Variants in SH3BGRL observed in about 807,000 individuals in gnomAD.
The protein encoded by SH3BGRL is adapter SH3BGRL.
A neutral mutation model predicts 9.8 loss-of-function variants in SH3BGRL; 7 were observed. The ratio of observed to expected loss-of-function variants is 0.72; its 90% CI spans 0.41 to 1.35. The LOEUF (loss-of-function observed/expected upper bound fraction) is 1.35. Among genes scored for constraint, SH3BGRL ranks in the 40% most tolerant of loss-of-function variants. SH3BGRL has a pLI of 0.01. For synonymous variants in SH3BGRL, 36 were observed against 29.1 expected (o/e 1.24, Z -0.76); for missense variants, 73 against 84.4 (o/e 0.86, Z 0.53).
At chrX:81,227,162 A>G (rs1346244927) in intron 1 of SH3BGRL, among the ~76,000 whole-genome samples, 1 of 112,036 alleles carries the variant, frequency 8.9e-6, no homozygotes, top group Non-Finnish European at 1.9e-5. Flanking sequence ...AAAGAATGAT[A>G]TTCTTATGAA....
intron 1 of SH3BGRL, among the ~76,000 whole-genome samples, chrX:81,234,131 A>T (rs1350118020): frequency 9.0e-6 from 1 of 111,497 alleles, no homozygotes; most frequent in Non-Finnish European, 1.9e-5. Flanking sequence ...GGCTATCTCG[A>T]GCAAGTTGCA....
At chrX:81,206,715 A>T (rs1430498828) in intron 1 of SH3BGRL, among the ~76,000 whole-genome samples, 1 of 111,806 alleles carries the variant, frequency 8.9e-6, no homozygotes, top group Non-Finnish European at 1.9e-5. Flanking sequence ...TAGGAGGGAT[A>T]TTGTGTCTAA....
chrX:81,238,455 A>G (rs924912074), intron 1 of SH3BGRL, among the ~76,000 whole-genome samples: 36 of 112,262 alleles, frequency 3.2e-4, no homozygotes, highest in African/African-American at 1.2e-3. Context: ...CTTGTGGCTT[A>G]AGTGCCAGTG....
chrX:81,295,086 T>G (rs1253751541), intron 3 of SH3BGRL, among the ~76,000 whole-genome samples: 1 of 112,052 alleles, frequency 8.9e-6, no homozygotes, highest in Admixed American at 9.5e-5. Flanking sequence ...GGACTTTACT[T>G]GTTTCAGATG....
intron 1 of SH3BGRL, among the ~76,000 whole-genome samples, chrX:81,203,941 A>G (rs1458403278): frequency 9.2e-6 from 1 of 108,644 alleles, no homozygotes; most frequent in Non-Finnish European, 1.9e-5. Context: ...TGCAGATTTG[A>G]TGCATGGGTA....
chrX:81,282,431 A>G (rs2075820635), intron 3 of SH3BGRL, among the ~76,000 whole-genome samples: 1 of 112,110 alleles, frequency 8.9e-6, no homozygotes, highest in Admixed American at 9.4e-5. Context: ...GATAGGCCAT[A>G]AAATGAGCCT....
intron 1 of SH3BGRL, among the ~76,000 whole-genome samples, chrX:81,256,240 A>C (rs2075725047): frequency 8.9e-6 from 1 of 111,874 alleles, no homozygotes; most frequent in Non-Finnish European, 1.9e-5. Flanking sequence ...TTATCTATTC[A>C]TTGAGAGAGA....
intron 1 of SH3BGRL, among the ~76,000 whole-genome samples, chrX:81,264,253 G>A (rs1485265058): frequency 1.8e-5 from 2 of 110,846 alleles, no homozygotes; most frequent in Non-Finnish European, 3.8e-5. Flanking sequence ...CCCCATGAAA[G>A]TAGTGTACTG....
intron 1 of SH3BGRL, among the ~76,000 whole-genome samples, chrX:81,272,735 G>A (rs898925972): frequency 1.8e-5 from 2 of 110,234 alleles, no homozygotes; most frequent in Non-Finnish European, 3.8e-5. Flanking sequence ...TCCTGACCTC[G>A]TTATCCGCCC....
intron 1 of SH3BGRL, among the ~76,000 whole-genome samples, chrX:81,235,627 T>C (rs1057495352): frequency 1.8e-5 from 2 of 111,522 alleles, no homozygotes; most frequent in African/African-American, 6.5e-5. Flanking sequence ...TGAAGTATAT[T>C]TTCAGTCATA....
chrX:81,273,980 G>A (rs1325327176), intron 1 of SH3BGRL, among the ~76,000 whole-genome samples: 2 of 111,618 alleles, frequency 1.8e-5, no homozygotes, highest in East Asian at 2.8e-4. Context: ...GAATTCTTTC[G>A]GTAGAGGTGA....
chrX:81,259,559 G>GT (rs775286752), intron 1 of SH3BGRL, among the ~76,000 whole-genome samples: 1 of 111,924 alleles, frequency 8.9e-6, no homozygotes, highest in Non-Finnish European at 1.9e-5. Context: ...CAAAATCTTA[G>GT]TGTAACTCTA....
At chrX:81,297,092 G>A (rs1157607540) in intron 3 of SH3BGRL, 103 bp from the exon 4 acceptor site, 2 of 606,124 alleles carry the variant, frequency 3.3e-6, no homozygotes, top group Non-Finnish European at 5.1e-6. Flanking sequence ...GGGGGCTTTT[G>A]TTTATTCTTA....
rs1189193636 is a variant in SH3BGRL at position 81,286,523 on chromosome X, AAGAG to A, written c.312+8115_312+8118del. 1.1e-4 allele frequency among the ~76,000 whole-genome samples: 10 copies of A among 91,368 alleles called. 1 individual carries two copies. The highest frequency in any genetic ancestry group is 2.8e-4 in the Admixed American group (2 of 7,186). 79.3% of individuals were successfully genotyped at this position (91,368 alleles called of 115,157 possible). A position where few individuals can be genotyped will look rare whatever the true frequency, so the allele number is the denominator to read the frequency against. ...CAAAAAAAAAAAAAAAAAAAAAAAAAAGAGAGGGGAAAAGCAGGAAAGAAGGATG... is the reference window on the plus strand; with the variant it reads ...CAAAAAAAAAAAAAAAAAAAAAAAAAAGGGGAAAAGCAGGAAAGAAGGATG... On this transcript the variant is annotated intron_variant, in intron 3 of 3. Coordinates refer to ENST00000373212, the MANE Select transcript of SH3BGRL (RefSeq NM_003022.3).
chrX:81,265,623 G>A (rs2075754649), intron 1 of SH3BGRL, among the ~76,000 whole-genome samples: 1 of 111,912 alleles, frequency 8.9e-6, no homozygotes, highest in Admixed American at 9.5e-5. Flanking sequence ...TGGACATTTG[G>A]TTGGTTCCAA....
chrX:81,245,974 C>T (rs1467290882), intron 1 of SH3BGRL, among the ~76,000 whole-genome samples: 3 of 111,800 alleles, frequency 2.7e-5, no homozygotes, highest in African/African-American at 3.2e-5. Context: ...TCCACAGCCT[C>T]GCCAGCTTTT....
At chrX:81,204,971 G>A (rs12011943) in intron 1 of SH3BGRL, among the ~76,000 whole-genome samples, 2,595 of 111,920 alleles carry the variant, frequency 0.023, 75 homozygotes, top group African/African-American at 0.08. Flanking sequence ...ATATTTATGG[G>A]GGACATATGA....
chrX:81,265,474 C>T lies in SH3BGRL; in HGVS notation c.46-11510C>T, dbSNP rs750352599. 3.6e-5 allele frequency among the ~76,000 whole-genome samples: 4 copies of T among 110,830 alleles called. No homozygotes were observed. In the South Asian group the frequency reaches 1.5e-3, roughly 43 times the overall value. On this transcript the variant is annotated intron_variant, in intron 1 of 3. Coordinates refer to ENST00000373212, the MANE Select transcript of SH3BGRL (RefSeq NM_003022.3). ...AACATGCGGTGTTTGGTTTTCTGAT[C>T]TTGTGATAGTTTGCTGAGAATGATG... is the stretch of plus-strand genomic sequence containing the variant.
At chrX:81,204,682 T>C (rs1337264257) in intron 1 of SH3BGRL, among the ~76,000 whole-genome samples, 1 of 110,604 alleles carries the variant, frequency 9.0e-6, no homozygotes, top group Non-Finnish European at 1.9e-5. Context: ...GTTAACTTAT[T>C]ATGGTGGCGG....
Sources: gnomAD v4.1 joint callset for allele counts (sites outside exome capture counted in the v4.1 genomes callset) on GRCh38, gnomAD v4.1.1 for gene constraint, MANE v1.5 for transcripts, NCBI Gene and HGNC (gene_info 2026-07-23, HGNC 2026-07-21) for gene names.